Variants in SNX29 observed in about 807,000 individuals in gnomAD.
SNX29 encodes the protein sorting nexin 29.
Under a neutral mutation model 102.1 loss-of-function variants are expected in SNX29, and 78 were observed. The ratio of observed to expected loss-of-function variants is 0.76; its 90% CI spans 0.64 to 0.92. The LOEUF (loss-of-function observed/expected upper bound fraction) is 0.92. SNX29 is among the 40% of genes least tolerant of loss of function. The probability of loss-of-function intolerance (pLI) is 0.00; values close to 1 mark genes in which losing one functional copy is unlikely to be tolerated. For synonymous variants in SNX29, 580 were observed against 414.5 expected (o/e 1.40, Z -4.85); for missense variants, 1,280 against 1,061.7 (o/e 1.21, Z -2.86).
rs372372525 is a variant in SNX29 at position 12,086,436 on chromosome 16, G to T, written c.1402+7521G>T. Among the ~76,000 whole-genome samples the T allele has an allele frequency of 1.3e-3, 204 of 151,894 alleles. 5 individuals carry two copies. The South Asian group carries it at 0.042, about 31-fold the overall frequency. ...AAGCTTATCATTACTATTTTTGGAG[G>T]CAGGGTCTCTGTTGCCCAGGCTGGA... On this transcript the variant is annotated intron_variant, in intron 11 of 20. Coordinates refer to ENST00000566228, the MANE Select transcript of SNX29 (RefSeq NM_032167.5).
chr16:12,553,890 C>G (rs1417602095), intron 20 of SNX29, among the ~76,000 whole-genome samples: 4 of 152,034 alleles, frequency 2.6e-5, no homozygotes, highest in Non-Finnish European at 5.9e-5. Context: ...TTTGCCTAGG[C>G]TGGAGTGCAG....
At chr16:12,438,028 C>T (rs866117086) in intron 18 of SNX29, among the ~76,000 whole-genome samples, 3 of 152,158 alleles carry the variant, frequency 2.0e-5, no homozygotes, top group Non-Finnish European at 4.4e-5. Flanking sequence ...TGGGAGCACA[C>T]GTCCACTCTT....
At chr16:12,210,264 C>G (rs1251795572) in intron 14 of SNX29, among the ~76,000 whole-genome samples, 4 of 151,644 alleles carry the variant, frequency 2.6e-5, no homozygotes, top group Non-Finnish European at 4.4e-5. Context: ...TGGATTTGGA[C>G]TGGAGAGGCT....
rs2076481962 is a variant in SNX29 at position 12,185,242 on chromosome 16, T to G, written c.1596-14359T>G. Among the ~76,000 whole-genome samples, 3 of 152,178 alleles carry G rather than the reference T, an allele frequency of 2.0e-5. No individual in the cohort carries two copies. In the South Asian group the frequency reaches 6.2e-4, roughly 32 times the overall value. Reference sequence around the variant, plus strand: ...AATAAATCAGCCACATGTGAGAGACTAGGGAGTGGGGAGGGATCTTTGGGG... The same window carrying G: ...AATAAATCAGCCACATGTGAGAGACGAGGGAGTGGGGAGGGATCTTTGGGG... On this transcript the variant is annotated intron_variant, in intron 13 of 20. Transcript: ENST00000566228.
chr16:12,414,697 A>G (rs2084552199), intron 18 of SNX29, among the ~76,000 whole-genome samples: 1 of 151,630 alleles, frequency 6.6e-6, no homozygotes, highest in Non-Finnish European at 1.5e-5. Context: ...AAAGCTTGGG[A>G]CGATTTTGTT....
intron 18 of SNX29, among the ~76,000 whole-genome samples, chr16:12,432,455 G>A (rs1597361559): frequency 6.6e-6 from 1 of 152,192 alleles, no homozygotes; most frequent in East Asian, 1.9e-4. Flanking sequence ...TATGGGGAGT[G>A]CTCAGGAAGA....
At chr16:12,058,263 A>G (rs1238172279) in intron 8 of SNX29, among the ~76,000 whole-genome samples, 1 of 152,156 alleles carries the variant, frequency 6.6e-6, no homozygotes, top group Non-Finnish European at 1.5e-5. Context: ...GTTTTGGATA[A>G]TGTGGCTGTT....
intron 14 of SNX29, among the ~76,000 whole-genome samples, chr16:12,243,821 A>G (rs979870145): frequency 6.6e-6 from 1 of 152,194 alleles, no homozygotes; most frequent in African/African-American, 2.4e-5. Flanking sequence ...GTGCACCTGC[A>G]TCAGAGACTC....
chr16:12,123,835 A>G (rs1013469397), intron 11 of SNX29, among the ~76,000 whole-genome samples: 2 of 152,212 alleles, frequency 1.3e-5, no homozygotes, highest in Non-Finnish European at 2.9e-5. Context: ...TGTGGGCCCC[A>G]TGGTCTCTGT....
intron 19 of SNX29, among the ~76,000 whole-genome samples, chr16:12,492,999 T>C (rs1430982999): frequency 6.6e-6 from 1 of 152,202 alleles, no homozygotes; most frequent in Non-Finnish European, 1.5e-5. Flanking sequence ...GGCTTAGGAT[T>C]GACTTGGCAA....
At chr16:12,174,948 T>G (rs1286687612) in intron 13 of SNX29, among the ~76,000 whole-genome samples, 1 of 152,006 alleles carries the variant, frequency 6.6e-6, no homozygotes, top group Non-Finnish European at 1.5e-5. Flanking sequence ...AAACAACCAA[T>G]TATCTTGTCC....
At chr16:12,500,102 C>T (rs1199111160) in intron 19 of SNX29, among the ~76,000 whole-genome samples, 1 of 152,216 alleles carries the variant, frequency 6.6e-6, no homozygotes. Flanking sequence ...AGGGATCCTC[C>T]TACCTCAGCC....
chr16:12,440,197 C>G (rs752592965), intron 18 of SNX29, among the ~76,000 whole-genome samples: 2 of 152,254 alleles, frequency 1.3e-5, no homozygotes, highest in South Asian at 2.1e-4. Context: ...TCAGCCTTCT[C>G]TCTTTCTCCT....
intron 18 of SNX29, among the ~76,000 whole-genome samples, chr16:12,449,990 G>T (rs113223686): frequency 3.7e-4 from 56 of 152,322 alleles, no homozygotes; most frequent in African/African-American, 1.3e-3. Context: ...ATGGGGGGCG[G>T]TTCCCCCATA....
In SNX29 at chr16:12,549,592, C is replaced by G. The variant is rs566586536; in HGVS notation, c.2319-18914C>G. On this transcript the variant is annotated intron_variant, in intron 20 of 20. Coordinates refer to ENST00000566228, the MANE Select transcript of SNX29 (RefSeq NM_032167.5). ...GGGACCCCAGCCCTAAGACCTGCAC[C>G]TTTTTCTACTCCAGAGTCCTTGCCC... Among the ~76,000 whole-genome samples the G allele has an allele frequency of 5.3e-5, 8 of 152,276 alleles. No individual in the cohort carries two copies. The South Asian group carries it at 1.7e-3, about 32-fold the overall frequency.
At chr16:12,546,075 T>G (rs555749130) in intron 20 of SNX29, among the ~76,000 whole-genome samples, 14 of 152,124 alleles carry the variant, frequency 9.2e-5, no homozygotes, top group South Asian at 2.1e-4. Context: ...TGGGTTTGAG[T>G]CCCCAGTCTC....
chr16:12,019,954 G>A (rs541097859), intron 3 of SNX29, among the ~76,000 whole-genome samples: 159 of 151,976 alleles, frequency 1.0e-3, no homozygotes, highest in Non-Finnish European at 1.9e-3. Context: ...TATTTTTCAA[G>A]CATAACTGAG....
At chr16:12,566,246 G>A (rs1420103688) in intron 20 of SNX29, among the ~76,000 whole-genome samples, 1 of 152,186 alleles carries the variant, frequency 6.6e-6, no homozygotes. Context: ...TGACAGACAA[G>A]GAAACCAAGG....
chr16:12,435,500 C>G (rs2085495498), intron 18 of SNX29, among the ~76,000 whole-genome samples: 1 of 152,166 alleles, frequency 6.6e-6, no homozygotes, highest in African/African-American at 2.4e-5. Context: ...TTGAGGGGTC[C>G]TGGGCATGGC....
Sources: gnomAD v4.1 joint callset for allele counts (sites outside exome capture counted in the v4.1 genomes callset) on GRCh38, gnomAD v4.1.1 for gene constraint, MANE v1.5 for transcripts, NCBI Gene and HGNC (gene_info 2026-07-23, HGNC 2026-07-21) for gene names.